GALNT4: variants seen among roughly 807,000 people sequenced by gnomAD.
The protein encoded by GALNT4 is UDP-GalNAc:polypeptide N-acetylgalactosaminyltransferase 4.
A neutral mutation model predicts 45.1 loss-of-function variants in GALNT4; 23 were observed. That is an observed-to-expected ratio of 0.51 (90% confidence interval 0.37 to 0.72). The LOEUF is 0.72. Among genes scored for constraint, GALNT4 ranks in the 30% least tolerant of loss-of-function variants. The pLI is 0.00. For missense variants in GALNT4, 757 were observed against 709.0 expected (o/e 1.07, Z -0.77); for synonymous variants, 264 against 257.6 (o/e 1.02, Z -0.24).
At position 89,522,341 on chromosome 12, in the gene GALNT4, A is replaced by C. The variant is rs1431397149; in HGVS notation, c.*472T>G. The C allele has an allele frequency of 2.5e-6, 1 of 395,676 alleles. No individual in the cohort carries two copies. The highest frequency in any genetic ancestry group is 4.4e-6 in the Non-Finnish European group (1 of 224,954). The allele number at this position is 395,676 out of a possible 1,614,324, so 24.5% of individuals were successfully genotyped here. ...AAATTAGATTAAAAAATAAAATCTA[A>C]AATTTAATGTGCTGGCTAAAAAAGA... On this transcript the variant is annotated 3_prime_UTR_variant, in exon 1 of 1. Coordinates refer to ENST00000529983, the MANE Select transcript of GALNT4 (RefSeq NM_003774.5).
chr12:89,523,923 C>A lies in GALNT4; in HGVS notation c.627G>T (p.Arg209Ser), dbSNP rs1188288262. 1 of 1,609,530 alleles carries A rather than the reference C, an allele frequency of 6.2e-7. No homozygotes were observed. Among genetic ancestry groups the A allele is most frequent in the Non-Finnish European group, 8.5e-7 (1 of 1,177,894 alleles). ...IRTNKREGLVRARLIGATFAT... is the reference protein window; with the variant it reads ...IRTNKREGLVSARLIGATFAT... ...CGAAAGTGGCCCCAATCAGACGGGC[C>A]CTAACCAGCCCCTCTCGCTTATTGG... Residue 209 changes from arginine (R) to serine (S), a missense_variant, in exon 1 of 1, where the codon AGG becomes AGT. By Grantham distance (110) the Arg-to-Ser change is moderately radical (BLOSUM62 -1). Transcript: ENST00000529983.
In GALNT4 at chr12:89,523,849, G is replaced by T. The variant is rs57849129; in HGVS notation, c.701C>A (p.Ser234Tyr). The change falls in exon 1 of 1, where the codon TCC becomes TAC. Residue 234 changes from serine to tyrosine, a missense_variant. Ser to Tyr is a moderately radical substitution (Grantham distance 144, BLOSUM62 -2). Transcript: ENST00000529983. ...TFLDCHCECN[S>Y]GWLEPLLERI... ...TTCCAAAAGCGGTTCCAGCCAACCG[G>T]AATTACACTCACAGTGACAATCCAG... 2,095 of 1,551,830 alleles carry T rather than the reference G, an allele frequency of 1.4e-3. 26 individuals carry two copies. The African/African-American group carries it at 0.025, about 18-fold the overall frequency.
In GALNT4 at chr12:89,523,777, G is replaced by A. The variant is rs755338768; in HGVS notation, c.773C>T (p.Thr258Ile). 2.1e-5 allele frequency: 33 copies of A among 1,538,302 alleles called. No individual in the cohort carries two copies. Among genetic ancestry groups the A allele is most frequent in the South Asian group, 1.6e-4 (12 of 76,356 alleles). The stretch of plus-strand genomic sequence containing the variant: ...GAATTCAAAAGTATTCCAATCAATT[G>A]TGTCTATAACAGGACACACAACTGC... ...ETAVVCPVIDTIDWNTFEFYM... is the reference protein window; with the variant it reads ...ETAVVCPVIDIIDWNTFEFYM... The change falls in exon 1 of 1, where the codon ACA becomes ATA. Residue 258 changes from threonine (T) to isoleucine (I), a missense_variant. By Grantham distance (89) the Thr-to-Ile change is moderately conservative. Coordinates refer to ENST00000529983, the MANE Select transcript of GALNT4 (RefSeq NM_003774.5).
chr12:89,521,881 A>G lies in GALNT4; in HGVS notation c.*932T>C, dbSNP rs976521040. 1 of 397,816 alleles carries G rather than the reference A, an allele frequency of 2.5e-6. No individual in the cohort carries two copies. Among genetic ancestry groups the G allele is most frequent in the Non-Finnish European group, 4.4e-6 (1 of 225,928 alleles). The allele number at this position is 397,816 out of a possible 1,614,324, so 24.6% of individuals were successfully genotyped here. A position where few individuals can be genotyped will look rare whatever the true frequency, so the allele number is the denominator to read the frequency against. On this transcript the variant is annotated 3_prime_UTR_variant, in exon 1 of 1. Coordinates refer to ENST00000529983, the MANE Select transcript of GALNT4 (RefSeq NM_003774.5). ...GAGTTCCACAGCCTTGGTAGAACCTAGCCCACTTTCAGTTTCACACATTTT... is the reference window on the plus strand; with the variant it reads ...GAGTTCCACAGCCTTGGTAGAACCTGGCCCACTTTCAGTTTCACACATTTT...
chr12:89,524,008 T>A lies in GALNT4; in HGVS notation c.542A>T (p.Tyr181Phe). ...GTAAGTTTCAAGTTGTGTCTTCAAA[T>A]AAACTCTGTCACTCAAGTCATCCAC... ...ILVDDLSDRV[Y>F]LKTQLETYIS... Residue 181 changes from tyrosine to phenylalanine, a missense_variant, in exon 1 of 1, where the codon TAT (tyrosine) becomes TTT (phenylalanine). Coordinates refer to ENST00000529983, the MANE Select transcript of GALNT4 (RefSeq NM_003774.5). The A allele has an allele frequency of 6.2e-7, 1 of 1,613,726 alleles. No individual in the cohort carries two copies. The highest frequency in any genetic ancestry group is 8.5e-7 in the Non-Finnish European group (1 of 1,179,800).
At position 89,524,714 on chromosome 12, in the gene GALNT4, C is replaced by T. The variant is rs1871264818; in HGVS notation, c.-165G>A. ...CCAGGCTTTCCAGGGGTCACCTGAG[C>T]CCTCTCGGTCCTCGGCCTCCGGCAC... On this transcript the variant is annotated 5_prime_UTR_variant, in exon 1 of 1. Coordinates refer to ENST00000529983, the MANE Select transcript of GALNT4 (RefSeq NM_003774.5). 7.0e-6 allele frequency: 5 copies of T among 714,576 alleles called. No individual in the cohort carries two copies. In the South Asian group the frequency reaches 7.6e-5, roughly 11 times the overall value. The allele number at this position is 714,576 out of a possible 1,614,324, so 44.3% of individuals were successfully genotyped here.
Position 89,523,091 on chromosome 12 carries a change from C to G in GALNT4, c.1459G>C (p.Glu487Gln). Residue 487 changes from glutamate to glutamine, a missense_variant, in exon 1 of 1, where the codon GAA (glutamate) becomes CAA (glutamine). By Grantham distance (29) the Glu-to-Gln change is conservative (BLOSUM62 2). Transcript: ENST00000529983. The stretch of plus-strand genomic sequence containing the variant: ...CTTATTTCTTTGTTTGAAGTATATT[C>G]AAAGAATTGATTGCCTCCTTGACCA... ...CHGQGGNQFF[E>Q]YTSNKEIRFN... 1 of 1,613,864 alleles carries G rather than the reference C, an allele frequency of 6.2e-7. No homozygotes were observed. The highest frequency in any genetic ancestry group is 1.1e-5 in the South Asian group (1 of 91,080).
chr12:89,522,984 C>T lies in GALNT4; in HGVS notation c.1566G>A (p.Gly522=). The change falls in exon 1 of 1, where the codon GGG becomes GGA. Residue 522 remains glycine (G), a synonymous_variant. Coordinates refer to ENST00000529983, the MANE Select transcript of GALNT4 (RefSeq NM_003774.5). ...AAATAATGTTTGCTGGTACAGGGAACCCATCTTTGGGACAATTTTGCATTC... is the reference window on the plus strand; with the variant it reads ...AAATAATGTTTGCTGGTACAGGGAATCCATCTTTGGGACAATTTTGCATTC... ...YVGMQNCPKD[G]FPVPANIIWH... is the part of the protein sequence containing the mutation. 1 of 1,613,976 alleles carries T rather than the reference C, an allele frequency of 6.2e-7. No individual in the cohort carries two copies. The highest frequency in any genetic ancestry group is 1.1e-5 in the South Asian group (1 of 91,070).
chr12:89,523,791 A>G lies in GALNT4; in HGVS notation c.759T>C (p.Cys253=). 1 of 1,535,810 alleles carries G rather than the reference A, an allele frequency of 6.5e-7. No individual in the cohort carries two copies. ...TCCAATCAATTGTGTCTATAACAGG[A>G]CACACAACTGCTGTTTCATCTCTCC... ...RIGRDETAVV[C]PVIDTIDWNT... Residue 253 remains cysteine, a synonymous_variant, in exon 1 of 1, where the codon TGT becomes TGC. Transcript: ENST00000529983.
rs1870703179 is a variant in GALNT4 at position 89,519,863 on chromosome 12, C to A, written c.*2950G>T. On this transcript the variant is annotated 3_prime_UTR_variant, in exon 1 of 1. Coordinates refer to ENST00000529983, the MANE Select transcript of GALNT4 (RefSeq NM_003774.5). Reference sequence around the variant, plus strand: ...GTCAACCTATCCGTAAAGTTGGACACTAAATGACATAGTGAACATTTAAAG... The same window carrying A: ...GTCAACCTATCCGTAAAGTTGGACAATAAATGACATAGTGAACATTTAAAG... 1 of 152,198 alleles carries A rather than the reference C, an allele frequency of 6.6e-6. No individual in the cohort carries two copies. The highest frequency in any genetic ancestry group is 2.4e-5 in the African/African-American group (1 of 41,372). The allele number at this position is 152,198 out of a possible 1,614,324, so 9.4% of individuals were successfully genotyped here.
Position 89,524,290 on chromosome 12 carries a change from T to C in GALNT4, c.260A>G (p.Glu87Gly). 1.9e-6 allele frequency: 3 copies of C among 1,614,042 alleles called. No individual in the cohort carries two copies. The highest frequency in any genetic ancestry group is 2.5e-6 in the Non-Finnish European group (3 of 1,179,896). Residue 87 changes from glutamate to glycine, a missense_variant, in exon 1 of 1, where the codon GAG (glutamate) becomes GGG (glycine). Transcript: ENST00000529983. ...WGKASKLQLN[E>G]DELKQQEELI... Reference sequence around the variant, plus strand: ...TTCTTCTTGCTGCTTCAGTTCATCCTCGTTGAGCTGGAGTTTGCTGGCTTT... The same window carrying C: ...TTCTTCTTGCTGCTTCAGTTCATCCCCGTTGAGCTGGAGTTTGCTGGCTTT...
At position 89,523,307 on chromosome 12, in the gene GALNT4, G is replaced by C. The variant is rs1565764512; in HGVS notation, c.1243C>G (p.Leu415Val). Residue 415 changes from leucine to valine, a missense_variant, in exon 1 of 1, where the codon CTA (leucine) becomes GTA (valine). Coordinates refer to ENST00000529983, the MANE Select transcript of GALNT4 (RefSeq NM_003774.5). ...CTCTTGCATCTCAACCGCTCTCGTA[G>C]TAATTTTCTTTCAGAAATATCACCA... ...AYGDISERKL[L>V]RERLRCKSFD... 4 of 1,614,074 alleles carry C rather than the reference G, an allele frequency of 2.5e-6. No individual in the cohort carries two copies. Among genetic ancestry groups the C allele is most frequent in the Non-Finnish European group, 3.4e-6 (4 of 1,179,908 alleles).
At position 89,524,245 on chromosome 12, in the gene GALNT4, A is replaced by G; in HGVS notation, c.305T>C (p.Ile102Thr). 1.9e-6 allele frequency: 3 copies of G among 1,613,936 alleles called. No individual in the cohort carries two copies. The highest frequency in any genetic ancestry group is 2.5e-6 in the Non-Finnish European group (3 of 1,179,874). The change falls in exon 1 of 1, where the codon ATC becomes ACC. Residue 102 changes from isoleucine (I) to threonine (T), a missense_variant. Ile to Thr is a moderately conservative substitution (Grantham distance 89, BLOSUM62 -1). Coordinates refer to ENST00000529983, the MANE Select transcript of GALNT4 (RefSeq NM_003774.5). ...QQEELIERYAINIYLSDRISL... is the reference protein window; with the variant it reads ...QQEELIERYATNIYLSDRISL... ...AATCCTGTCACTGAGGTAAATATTGATGGCGTATCTCTCAATGAGTTCTTC... is the reference window on the plus strand; with the variant it reads ...AATCCTGTCACTGAGGTAAATATTGGTGGCGTATCTCTCAATGAGTTCTTC...
Position 89,524,064 on chromosome 12 carries a change from A to T in GALNT4, c.486T>A (p.Ser162=), listed in dbSNP as rs1455008212. The T allele has an allele frequency of 1.2e-6, 2 of 1,613,656 alleles. No homozygotes were observed. The highest frequency in any genetic ancestry group is 4.5e-5 in the East Asian group (2 of 44,908). Residue 162 remains serine (S), a synonymous_variant, in exon 1 of 1, where the codon TCT becomes TCA. Transcript: ENST00000529983. ...TGATCTCTTTCAAAAGAACTGCAGG[A>T]GAAGTTTCTAAAACACTGTGAATGG... ...LRTIHSVLET[S]PAVLLKEIIL... is the part of the protein sequence containing the mutation.
In GALNT4 at chr12:89,521,782, T is replaced by A. The variant is rs752634111; in HGVS notation, c.*1031A>T. The A allele has an allele frequency of 2.6e-6, 1 of 380,318 alleles. No homozygotes were observed. Among genetic ancestry groups the A allele is most frequent in the African/African-American group, 2.1e-5 (1 of 48,354 alleles). 23.6% of individuals were successfully genotyped at this position (380,318 alleles called of 1,614,324 possible). On this transcript the variant is annotated 3_prime_UTR_variant, in exon 1 of 1. Coordinates refer to ENST00000529983, the MANE Select transcript of GALNT4 (RefSeq NM_003774.5). Reference sequence around the variant, plus strand: ...AGGAGATTGAAAGCACCATTCACAATTGCCAAGGCAGTCTTTTTTCCTTGC... The same window carrying A: ...AGGAGATTGAAAGCACCATTCACAAATGCCAAGGCAGTCTTTTTTCCTTGC...
rs759057914 is a variant in GALNT4 at position 89,522,940 on chromosome 12, C to T, written c.1610G>A (p.Gly537Glu). Residue 537 changes from glycine (G) to glutamate (E), a missense_variant, in exon 1 of 1, where the codon GGA becomes GAA. By Grantham distance (98) the Gly-to-Glu change is moderately conservative. Transcript: ENST00000529983. ...ANIIWHFKED[G>E]TIFHPHSGLC... ...TCCTGAGTGTGGGTGAAAAATAGTT[C>T]CATCTTCTTTAAAATGCCAAATAAT... is the stretch of plus-strand genomic sequence containing the variant. The T allele has an allele frequency of 5.0e-6, 8 of 1,613,906 alleles. No individual in the cohort carries two copies. The highest frequency in any genetic ancestry group is 6.8e-6 in the Non-Finnish European group (8 of 1,179,906).
chr12:89,522,974 G>A lies in GALNT4; in HGVS notation c.1576C>T (p.Pro526Ser). ...QNCPKDGFPV[P>S]ANIIWHFKED... is the part of the protein sequence containing the mutation. ...TTAAAATGCCAAATAATGTTTGCTG[G>A]TACAGGGAACCCATCTTTGGGACAA... The change falls in exon 1 of 1, where the codon CCA (proline) becomes TCA (serine). Residue 526 changes from proline to serine, a missense_variant. Physicochemically the swap from Pro to Ser is moderately conservative, Grantham distance 74. Transcript: ENST00000529983. 1 of 1,613,992 alleles carries A rather than the reference G, an allele frequency of 6.2e-7. No individual in the cohort carries two copies. Among genetic ancestry groups the A allele is most frequent in the South Asian group, 1.1e-5 (1 of 91,084 alleles).
chr12:89,523,708 C>A lies in GALNT4; in HGVS notation c.842G>T (p.Arg281Leu). The A allele has an allele frequency of 6.5e-7, 1 of 1,545,666 alleles. No homozygotes were observed. The highest frequency in any genetic ancestry group is 8.7e-7 in the Non-Finnish European group (1 of 1,153,772). ...GEPMIGGFDW[R>L]LTFQWHSVPK... The stretch of plus-strand genomic sequence containing the variant: ...GACAGAATGCCACTGAAATGTTAAA[C>A]GCCAGTCAAACCCACCAATCATGGG... Residue 281 changes from arginine to leucine, a missense_variant, in exon 1 of 1, where the codon CGT (arginine) becomes CTT (leucine). By Grantham distance (102) the Arg-to-Leu change is moderately radical. Coordinates refer to ENST00000529983, the MANE Select transcript of GALNT4 (RefSeq NM_003774.5).
rs373043632 is a variant in GALNT4 at position 89,521,995 on chromosome 12, T to C, written c.*818A>G. 21 of 399,008 alleles carry C rather than the reference T, an allele frequency of 5.3e-5. No individual in the cohort carries two copies. The highest frequency in any genetic ancestry group is 4.1e-4 in the African/African-American group (20 of 48,746). The allele number at this position is 399,008 out of a possible 1,614,324, so 24.7% of individuals were successfully genotyped here. On this transcript the variant is annotated 3_prime_UTR_variant, in exon 1 of 1. Transcript: ENST00000529983. ...ATTAACAAAGGGAGGCATAGTATTC[T>C]GGATGAGTCCCTTTCTAGTACATTC...
Sources: allele counts gnomAD v4.1 joint callset, GRCh38; gene constraint gnomAD v4.1.1; transcripts MANE v1.5; gene names NCBI Gene and HGNC (gene_info 2026-07-23, HGNC 2026-07-21).